The following CPNE4 variants were observed in gnomAD, a reference collection of about 807,000 sequenced individuals.
CPNE4 encodes copine-4.
A neutral mutation model predicts 67.9 loss-of-function variants in CPNE4; 25 were observed. That is an observed-to-expected ratio of 0.37 (90% confidence interval 0.27 to 0.51). The LOEUF is 0.51. Ranked by LOEUF, CPNE4 falls within the 20% of genes least tolerant of loss-of-function variation. CPNE4 has a pLI of 0.93. For missense variants in CPNE4, 464 were observed against 690.8 expected, an observed-to-expected ratio of 0.67 and a Z score of 3.68; for synonymous variants, 242 against 244.9, an observed-to-expected ratio of 0.99 and a Z score of 0.11.
chr3:131,586,118 A>G (rs111436836), intron 8 of CPNE4, among the ~76,000 whole-genome samples: 55 of 152,276 alleles, frequency 3.6e-4, no homozygotes, highest in African/African-American at 1.1e-3. Flanking sequence ...GAGTTGAGGC[A>G]TCTCTAATTA....
intron 1 of CPNE4, among the ~76,000 whole-genome samples, chr3:131,952,253 C>G (rs1259735479): frequency 6.6e-6 from 1 of 151,436 alleles, no homozygotes; most frequent in Non-Finnish European, 1.5e-5. Flanking sequence ...TGCCCGGCCG[C>G]GAACCCGTAT....
intron 2 of CPNE4, among the ~76,000 whole-genome samples, chr3:131,850,842 C>G (rs547848588): frequency 6.6e-6 from 1 of 152,158 alleles, no homozygotes; most frequent in South Asian, 2.1e-4. Context: ...AATCATACAT[C>G]TAGTAAGTAA....
At chr3:131,977,951 G>C (rs1010724698) in intron 1 of CPNE4, among the ~76,000 whole-genome samples, 1 of 148,384 alleles carries the variant, frequency 6.7e-6, no homozygotes, top group African/African-American at 2.5e-5. Flanking sequence ...CCATTCCTGA[G>C]TTATTTCACT....
intron 2 of CPNE4, among the ~76,000 whole-genome samples, chr3:131,792,660 C>CGT (rs199999625): frequency 0.15 from 7,901 of 51,550 alleles, 997 homozygotes; most frequent in African/African-American, 0.28. Context: ...TATATACACA[C>CGT]GTGTATATAT....
chr3:131,576,051 A>ATACT (rs1458658593), intron 9 of CPNE4, among the ~76,000 whole-genome samples: 2 of 152,166 alleles, frequency 1.3e-5, no homozygotes, highest in Non-Finnish European at 2.9e-5. Context: ...AGAAAAACAC[A>ATACT]TACAGTACTT....
intron 6 of CPNE4, among the ~76,000 whole-genome samples, chr3:131,680,638 T>C (rs919552575): frequency 3.9e-5 from 6 of 152,138 alleles, no homozygotes; most frequent in African/African-American, 1.4e-4. Context: ...GAGTGTTATG[T>C]CTTCTTTTCC....
chr3:131,955,300 AT>A (rs890905375), intron 1 of CPNE4, among the ~76,000 whole-genome samples: 1 of 149,444 alleles, frequency 6.7e-6, no homozygotes, highest in Non-Finnish European at 1.5e-5. Context: ...ATATTATGTA[AT>A]TTCCCTTTCT....
intron 2 of CPNE4, among the ~76,000 whole-genome samples, chr3:131,828,763 T>A (rs1222446522): frequency 1.3e-5 from 2 of 152,134 alleles, no homozygotes; most frequent in Non-Finnish European, 2.9e-5. Context: ...AGCCCAGGAA[T>A]TTGAGGCTGC....
intron 2 of CPNE4, among the ~76,000 whole-genome samples, chr3:131,836,600 C>G (rs968548260): frequency 2.6e-5 from 4 of 152,124 alleles, no homozygotes; most frequent in Non-Finnish European, 4.4e-5. Flanking sequence ...ACAGTGCAAC[C>G]AGGCAAGCAA....
intron 7 of CPNE4, among the ~76,000 whole-genome samples, chr3:131,592,647 A>G (rs1321233901): frequency 6.7e-6 from 1 of 149,202 alleles, no homozygotes; most frequent in African/African-American, 2.4e-5. Flanking sequence ...ATATATATGT[A>G]TATATATTTG....
At chr3:131,613,255 C>T (rs181149435) in intron 7 of CPNE4, among the ~76,000 whole-genome samples, 17 of 152,292 alleles carry the variant, frequency 1.1e-4, no homozygotes, top group Non-Finnish European at 1.8e-4. Context: ...CCTTAGTGAG[C>T]CTAAGTGAGA....
intron 1 of CPNE4, among the ~76,000 whole-genome samples, chr3:131,998,615 A>G (rs2073354440): frequency 6.6e-6 from 1 of 152,028 alleles, no homozygotes; most frequent in South Asian, 2.1e-4. Flanking sequence ...TCAGAGTTGC[A>G]TTTTCTTAAG....
intron 1 of CPNE4, among the ~76,000 whole-genome samples, chr3:131,975,670 G>A (rs2072630535): frequency 6.6e-6 from 1 of 152,136 alleles, no homozygotes; most frequent in African/African-American, 2.4e-5. Context: ...AAAGAATCAG[G>A]TAATTTTGTA....
At chr3:131,578,558 A>G (rs80056907) in intron 9 of CPNE4, among the ~76,000 whole-genome samples, 5,516 of 152,306 alleles carry the variant, frequency 0.036, 299 homozygotes, top group African/African-American at 0.12. Context: ...TGAGGAAGGC[A>G]TGTCAGTAGC....
At chr3:131,721,913 T>G (rs1305221802) in intron 3 of CPNE4, among the ~76,000 whole-genome samples, 1 of 152,242 alleles carries the variant, frequency 6.6e-6, no homozygotes, top group Non-Finnish European at 1.5e-5. Flanking sequence ...TTGAACTATC[T>G]GCCATCAACT....
intron 7 of CPNE4, among the ~76,000 whole-genome samples, chr3:131,648,365 C>A (rs898418566): frequency 6.6e-6 from 1 of 152,138 alleles, no homozygotes; most frequent in Non-Finnish European, 1.5e-5. Flanking sequence ...AGAGCAAGAC[C>A]CTGTCTCAAA....
chr3:131,722,856 A>T (rs1309575248), intron 3 of CPNE4, among the ~76,000 whole-genome samples: 1 of 152,234 alleles, frequency 6.6e-6, no homozygotes, highest in African/African-American at 2.4e-5. Context: ...TAACACTGCT[A>T]CTTATTAGGT....
At chr3:132,023,505 TG>T (rs1243817727) in intron 1 of CPNE4, among the ~76,000 whole-genome samples, 60 of 70,314 alleles carry the variant, frequency 8.5e-4, no homozygotes, top group Non-Finnish European at 1.3e-3. Context: ...TTTTTTTTTT[TG>T]AGACGGAGTC....
At chr3:131,739,168 A>G (rs1310039548) in intron 2 of CPNE4, among the ~76,000 whole-genome samples, 1 of 152,162 alleles carries the variant, frequency 6.6e-6, no homozygotes, top group Non-Finnish European at 1.5e-5. Context: ...GGAGACAGTA[A>G]AAGCTCACCT....
Sources: allele counts gnomAD v4.1 joint callset (sites outside exome capture counted in the v4.1 genomes callset), GRCh38; gene constraint gnomAD v4.1.1; transcripts MANE v1.5; gene names NCBI Gene and HGNC (gene_info 2026-07-23, HGNC 2026-07-21).